Variants in HMGCLL1 observed in about 807,000 individuals in gnomAD.
The protein encoded by HMGCLL1 is 3-hydroxy-3-methylglutaryl-CoA lyase like 1.
A neutral mutation model predicts 39.1 loss-of-function variants in HMGCLL1; 36 were observed. That is an observed-to-expected ratio of 0.92 (90% CI 0.71 to 1.22). The LOEUF (loss-of-function observed/expected upper bound fraction) is 1.22. Among genes scored for constraint, HMGCLL1 ranks in the 50% most tolerant of loss-of-function variants. HMGCLL1 has a pLI of 0.00. For synonymous variants in HMGCLL1, 149 were observed against 144.0 expected (o/e 1.03, Z -0.25); for missense variants, 451 against 416.5 (o/e 1.08, Z -0.72).
the HMGCLL1 span, among the ~76,000 whole-genome samples, chr6:55,613,066 A>G: frequency 2.6e-5 from 4 of 152,330 alleles, no homozygotes; most frequent in South Asian, 8.3e-4. Context: ...CAAAGGTATA[A>G]CATCCAGAAT....
chr6:55,460,037 G>T (rs1301885657), intron 7 of HMGCLL1, among the ~76,000 whole-genome samples: 1 of 151,888 alleles, frequency 6.6e-6, no homozygotes, highest in Non-Finnish European at 1.5e-5. Flanking sequence ...ATCTGTTATT[G>T]CTCAGTATTT....
upstream of HMGCLL1, among the ~76,000 whole-genome samples, chr6:55,583,149 A>G (rs1422802107): frequency 6.6e-6 from 1 of 152,080 alleles, no homozygotes; most frequent in Non-Finnish European, 1.5e-5. Context: ...CATGCTTGGT[A>G]ATTTGCTTAT....
chr6:55,627,923 T>A, the HMGCLL1 span, among the ~76,000 whole-genome samples: 1 of 7,520 alleles, frequency 1.3e-4, no homozygotes, highest in African/African-American at 8.6e-4. Flanking sequence ...ATATATATAA[T>A]ATATATACTA....
At chr6:55,629,733 C>T in the HMGCLL1 span, among the ~76,000 whole-genome samples, 1 of 152,140 alleles carries the variant, frequency 6.6e-6, no homozygotes, top group Non-Finnish European at 1.5e-5. Context: ...CCACTCTAGA[C>T]ATGGCTGAAA....
chr6:55,440,448 G>A (rs1263955509), intron 7 of HMGCLL1, among the ~76,000 whole-genome samples: 1 of 152,098 alleles, frequency 6.6e-6, no homozygotes, highest in Non-Finnish European at 1.5e-5. Flanking sequence ...GATATCAGAG[G>A]TGGAAGAGCT....
At chr6:55,675,462 A>G in the HMGCLL1 span, among the ~76,000 whole-genome samples, 8 of 152,116 alleles carry the variant, frequency 5.3e-5, no homozygotes, top group Non-Finnish European at 8.8e-5. Context: ...GGAATAAATT[A>G]TGTCTTCTCA....
chr6:55,612,744 C>T, the HMGCLL1 span, among the ~76,000 whole-genome samples: 1 of 152,072 alleles, frequency 6.6e-6, no homozygotes, highest in Non-Finnish European at 1.5e-5. Context: ...AACTGGCTAG[C>T]CATATGCAGA....
the HMGCLL1 span, among the ~76,000 whole-genome samples, chr6:55,611,392 G>A: frequency 6.6e-5 from 10 of 152,050 alleles, no homozygotes; most frequent in South Asian, 2.1e-4. Context: ...GGTAAAAAAA[G>A]GAGCTGGTAC....
At chr6:55,625,431 C>T in the HMGCLL1 span, among the ~76,000 whole-genome samples, 5 of 152,068 alleles carry the variant, frequency 3.3e-5, no homozygotes, top group Non-Finnish European at 5.9e-5. Flanking sequence ...GCCTTCTCTA[C>T]CCCAGCCTGC....
At chr6:55,657,550 T>G in the HMGCLL1 span, among the ~76,000 whole-genome samples, 2 of 152,030 alleles carry the variant, frequency 1.3e-5, no homozygotes, top group African/African-American at 4.8e-5. Flanking sequence ...TCTATGTGTC[T>G]GTTTTTGTAC....
At chr6:55,650,057 T>TTATATATATATATATA in the HMGCLL1 span, among the ~76,000 whole-genome samples, 1 of 76,084 alleles carries the variant, frequency 1.3e-5, no homozygotes, top group African/African-American at 4.7e-5. Flanking sequence ...GTCTGAAAGG[T>TTATATATATATATATA]TATATATATA....
intron 3 of HMGCLL1, among the ~76,000 whole-genome samples, chr6:55,526,912 CTGATTCCCAACCTTGT>C (rs1364277304): frequency 2.0e-5 from 3 of 151,982 alleles, no homozygotes; most frequent in Non-Finnish European, 4.4e-5. Flanking sequence ...GCCAACCTTG[CTGATTCCCAACCTTGT>C]TGATTCCCAA....
intron 7 of HMGCLL1, among the ~76,000 whole-genome samples, chr6:55,447,513 T>C (rs998967408): frequency 6.6e-6 from 1 of 151,906 alleles, no homozygotes; most frequent in Admixed American, 6.6e-5. Context: ...CAAAAGGAGA[T>C]AGATTATATT....
the HMGCLL1 span, among the ~76,000 whole-genome samples, chr6:55,586,594 T>C: frequency 6.6e-6 from 1 of 150,530 alleles, no homozygotes; most frequent in Non-Finnish European, 1.5e-5. Context: ...CCTTCCTGTG[T>C]CCATGTGTTC....
intron 7 of HMGCLL1, among the ~76,000 whole-genome samples, chr6:55,483,844 C>G (rs1167290262): frequency 2.0e-5 from 3 of 152,082 alleles, no homozygotes; most frequent in African/African-American, 7.2e-5. Flanking sequence ...ACATAGAACT[C>G]AGGTAAGATA....
chr6:55,668,321 C>T, the HMGCLL1 span, among the ~76,000 whole-genome samples: 498 of 151,978 alleles, frequency 3.3e-3, 5 homozygotes, highest in Middle Eastern at 0.01. Context: ...TATAGCCTTC[C>T]GGCTAGTTCT....
chr6:55,587,598 C>A, the HMGCLL1 span, among the ~76,000 whole-genome samples: 29 of 152,080 alleles, frequency 1.9e-4, no homozygotes, highest in Admixed American at 1.0e-3. Context: ...AATTAAAAGA[C>A]ACAGACTGGC....
At chr6:55,521,735 T>C (rs1189530646) in intron 3 of HMGCLL1, among the ~76,000 whole-genome samples, 1 of 151,898 alleles carries the variant, frequency 6.6e-6, no homozygotes, top group Non-Finnish European at 1.5e-5. Flanking sequence ...GCCTCCCCAT[T>C]CCCTGAGACA....
rs143077656 is a variant in HMGCLL1 at position 55,456,310 on chromosome 6, A to G, written c.796-16751T>C. Among the ~76,000 whole-genome samples, 9 of 152,332 alleles carry G rather than the reference A, an allele frequency of 5.9e-5. No homozygotes were observed. The South Asian group carries it at 8.3e-4, about 14-fold the overall frequency. ...ATTTTATGCTTCTGTTTTAACTTCA[A>G]CGATTCGAAATACCTGAAATTCAAT... is the stretch of plus-strand genomic sequence containing the variant. On this transcript the variant is annotated intron_variant, in intron 7 of 8. Coordinates refer to ENST00000274901, the MANE Select transcript of HMGCLL1 (RefSeq NM_001042406.2).
Sources: allele counts gnomAD v4.1 joint callset (sites outside exome capture counted in the v4.1 genomes callset), GRCh38; gene constraint gnomAD v4.1.1; transcripts MANE v1.5; gene names NCBI Gene and HGNC (gene_info 2026-07-23, HGNC 2026-07-21).